The following XXYLT1 variants were observed in gnomAD, a reference collection of about 807,000 sequenced individuals.
The protein encoded by XXYLT1 is UDP-xylose:alpha-xyloside alpha-1,3-xylosyltransferase.
XXYLT1 carries 20 observed loss-of-function variants against 28.9 expected under a neutral mutation model. That is an observed-to-expected ratio of 0.69 (90% CI 0.49 to 1.00). The LOEUF (loss-of-function observed/expected upper bound fraction) is 1.00, where lower values mean the gene tolerates loss of function less well. Among genes scored for constraint, XXYLT1 ranks in the 50% least tolerant of loss-of-function variants. XXYLT1 has a pLI of 0.00. For synonymous variants in XXYLT1, 257 were observed against 253.8 expected, an observed-to-expected ratio of 1.01 and a Z score of -0.12; for missense variants, 542 against 560.1, an observed-to-expected ratio of 0.97 and a Z score of 0.33.
chr3:195,245,398 C>T lies in XXYLT1; in HGVS notation c.505-18542G>A, dbSNP rs549241489. On this transcript the variant is annotated intron_variant, in intron 1 of 3. Transcript: ENST00000310380. ...TGGTCTTGAACTCCTGCAAGTGATT[C>T]GGCCCACCTCGGCCTCCCAAAGTGC... Among the ~76,000 whole-genome samples, 20 of 151,980 alleles carry T rather than the reference C, an allele frequency of 1.3e-4. No individual in the cohort carries two copies. The East Asian group carries it at 3.1e-3, about 24-fold the overall frequency.
intron 2 of XXYLT1, among the ~76,000 whole-genome samples, chr3:195,182,567 A>G (rs961952773): frequency 6.6e-6 from 1 of 152,188 alleles, no homozygotes. Flanking sequence ...AAAAGCTTAT[A>G]AACAGCTCCG....
chr3:195,129,629 A>G lies in XXYLT1; in HGVS notation c.785+26820T>C, dbSNP rs1324140491. 2.6e-5 allele frequency among the ~76,000 whole-genome samples: 4 copies of G among 152,228 alleles called. No individual in the cohort carries two copies. The highest frequency in any genetic ancestry group is 2.6e-4 in the Admixed American group (4 of 15,278). ...CTTTTCCATTCATCAGTTGATAGAC[A>G]TTTGGTGATTTCCACCTTTTGGCTA... On this transcript the variant is annotated intron_variant, in intron 3 of 3. Coordinates refer to ENST00000310380, the MANE Select transcript of XXYLT1 (RefSeq NM_152531.5). This position sits in a 1 kb window ranked among gnomAD's most constrained non-coding sequence, Gnocchi z 4.4.
chr3:195,111,204 C>T (rs1320441467), intron 3 of XXYLT1, among the ~76,000 whole-genome samples: 1 of 151,792 alleles, frequency 6.6e-6, no homozygotes, highest in Non-Finnish European at 1.5e-5. Context: ...TTCTCCTTTA[C>T]GTGATGTTCT....
In XXYLT1 at chr3:195,078,652, A is replaced by T. The variant is rs535049679; in HGVS notation, c.786-8541T>A. On this transcript the variant is annotated intron_variant, in intron 3 of 3. Coordinates refer to ENST00000310380, the MANE Select transcript of XXYLT1 (RefSeq NM_152531.5). The surrounding 1 kb of genome is among the most constrained non-coding windows in gnomAD (Gnocchi z 5.0). ...ACTCAAACACTTGGATCTGGACAGA[A>T]TGACACCCAGACAGTACCTCAGTAC... 6.6e-6 allele frequency among the ~76,000 whole-genome samples: 1 copy of T among 152,142 alleles called. No homozygotes were observed. The highest frequency in any genetic ancestry group is 1.5e-5 in the Non-Finnish European group (1 of 67,986).
chr3:195,205,912 G>A (rs1358923693), intron 2 of XXYLT1, among the ~76,000 whole-genome samples: 1 of 151,864 alleles, frequency 6.6e-6, no homozygotes, highest in Non-Finnish European at 1.5e-5. Context: ...TGTTGTATTT[G>A]CTATAGTTTT....
intron 1 of XXYLT1, among the ~76,000 whole-genome samples, chr3:195,246,861 G>C (rs1431414518): frequency 6.6e-6 from 1 of 152,130 alleles, no homozygotes; most frequent in African/African-American, 2.4e-5. Context: ...GCCACAGCCA[G>C]AGAGCCAGTC....
At chr3:195,109,593 C>CGTGT (rs142991054) in intron 3 of XXYLT1, among the ~76,000 whole-genome samples, 1 of 130,732 alleles carries the variant, frequency 7.6e-6, no homozygotes, top group Non-Finnish European at 1.6e-5. Flanking sequence ...TATGAGTGCA[C>CGTGT]GTGTGTGTGG....
chr3:195,104,198 C>CGTGTGTGTGT lies in XXYLT1; in HGVS notation c.786-34097_786-34088dup, dbSNP rs59361512. ...ACGGTGATGACGGTGATGAGGGCTC[C>CGTGTGTGTGT]GTGTGTGTGTGTGTGTGTGTGTGTG... On this transcript the variant is annotated intron_variant, in intron 3 of 3. Transcript: ENST00000310380. Among the ~76,000 whole-genome samples the CGTGTGTGTGT allele has an allele frequency of 3.0e-3, 433 of 142,036 alleles. 3 individuals carry two copies. Among genetic ancestry groups the CGTGTGTGTGT allele is most frequent in the African/African-American group, 7.1e-3 (262 of 37,016 alleles). 93.2% of individuals were successfully genotyped at this position (142,036 alleles called of 152,430 possible). A position where few individuals can be genotyped will look rare whatever the true frequency, so the allele number is the denominator to read the frequency against.
At chr3:195,126,255 C>T (rs1006611118) in intron 3 of XXYLT1, among the ~76,000 whole-genome samples, 2 of 152,154 alleles carry the variant, frequency 1.3e-5, no homozygotes, top group South Asian at 2.1e-4. Context: ...CCCAGGCCTG[C>T]GGAAACCACA....
chr3:195,234,309 ATTTTTTTTT>A (rs35536915), intron 1 of XXYLT1, among the ~76,000 whole-genome samples: 2 of 66,920 alleles, frequency 3.0e-5, no homozygotes, highest in South Asian at 1.7e-3. Context: ...TGTTTGAAGG[ATTTTTTTTT>A]TTTTTTTTTT....
chr3:195,262,063 A>T (rs1453310654), intron 1 of XXYLT1, among the ~76,000 whole-genome samples: 1 of 152,278 alleles, frequency 6.6e-6, no homozygotes, highest in Non-Finnish European at 1.5e-5. Flanking sequence ...CAGCAGCATT[A>T]TTCATAATAG....
chr3:195,175,510 C>G (rs1214654333), intron 2 of XXYLT1: 10 of 1,443,154 alleles, frequency 6.9e-6, no homozygotes, highest in Non-Finnish European at 9.2e-6. Flanking sequence ...TGCATGTTGA[C>G]TTTGCTGCAC....
chr3:195,252,713 CACACACACACACACAGAGAG>C (rs1207525434), intron 1 of XXYLT1, among the ~76,000 whole-genome samples: 22 of 141,436 alleles, frequency 1.6e-4, no homozygotes, highest in African/African-American at 6.7e-4. Context: ...CACACACACA[CACACACACACACACAGAGAG>C]AGAGAGAGAG....
chr3:195,083,753 C>G (rs73074264), intron 3 of XXYLT1, among the ~76,000 whole-genome samples: 25,848 of 152,154 alleles, frequency 0.17, 2,873 homozygotes, highest in East Asian at 0.32. Context: ...TGGCGGTGCA[C>G]AGTGGCTCAT....
intron 2 of XXYLT1, among the ~76,000 whole-genome samples, chr3:195,205,842 A>G (rs148214504): frequency 0.025 from 3,785 of 151,256 alleles, 171 homozygotes; most frequent in African/African-American, 0.086. Flanking sequence ...CAGCCTGGGC[A>G]ACACAGCAAG....
intron 2 of XXYLT1, among the ~76,000 whole-genome samples, chr3:195,167,388 C>T (rs1015258557): frequency 6.6e-6 from 1 of 152,054 alleles, no homozygotes; most frequent in African/African-American, 2.4e-5. Context: ...GTTAGAAGTT[C>T]GAGGCCAGCC....
Position 195,255,787 on chromosome 3 carries a change from T to C in XXYLT1, c.504+14768A>G, listed in dbSNP as rs901465826. On this transcript the variant is annotated intron_variant, in intron 1 of 3. Coordinates refer to ENST00000310380, the MANE Select transcript of XXYLT1 (RefSeq NM_152531.5). The surrounding 1 kb of genome is among the most constrained non-coding windows in gnomAD (Gnocchi z 4.5). ...TGCTTGGCCTCTCTGGGCCCCCGTT[T>C]TCTCATGGATAACATGAATAGACTC... 3.9e-5 allele frequency among the ~76,000 whole-genome samples: 6 copies of C among 152,180 alleles called. No individual in the cohort carries two copies.
chr3:195,140,420 C>G (rs1272310991), intron 3 of XXYLT1, among the ~76,000 whole-genome samples: 1 of 152,166 alleles, frequency 6.6e-6, no homozygotes, highest in African/African-American at 2.4e-5. Context: ...ATGTATGGCC[C>G]CCACCCAAAT....
At chr3:195,074,412 A>T (rs1256795507) in intron 3 of XXYLT1, among the ~76,000 whole-genome samples, 1 of 152,236 alleles carries the variant, frequency 6.6e-6, no homozygotes, top group Non-Finnish European at 1.5e-5. Context: ...CTGTGCAGTC[A>T]GTGAGGCCTG....
Sources: allele counts gnomAD v4.1 joint callset (sites outside exome capture counted in the v4.1 genomes callset), GRCh38; gene constraint gnomAD v4.1.1; non-coding constraint Gnocchi (gnomAD v3.1); transcripts MANE v1.5; gene names NCBI Gene and HGNC (gene_info 2026-07-23, HGNC 2026-07-21).